SEMA7A: variants seen among roughly 807,000 people sequenced by gnomAD.
The protein encoded by SEMA7A is semaphorin-7A.
In SEMA7A, 21 loss-of-function variants were observed where a neutral mutation model predicts 67.5. The observed-to-expected ratio is 0.31, with a 90% CI of 0.22 to 0.45. The LOEUF is 0.45. SEMA7A is among the 20% of genes least tolerant of loss of function. The pLI is 1.00. For synonymous variants in SEMA7A, 364 were observed against 368.5 expected (o/e 0.99, Z 0.14); for missense variants, 774 against 908.6 (o/e 0.85, Z 1.90).
chr15:74,413,356 G>A (rs549310370), intron 10 of SEMA7A, among the ~76,000 whole-genome samples: 36 of 152,330 alleles, frequency 2.4e-4, no homozygotes, highest in African/African-American at 7.0e-4. Flanking sequence ...GCCCAAATAC[G>A]AATGATGCAG....
At position 74,424,912 on chromosome 15, in the gene SEMA7A, C is replaced by T. The variant is rs544263456; in HGVS notation, c.179-5960G>A. On this transcript the variant is annotated intron_variant, in intron 1 of 13. Transcript: ENST00000261918. ...CTCCTTCAAAGCAGACAAAGGGTAG[C>T]GGTGCAGGGCCTGCCCTTGGGCCCA... 9.2e-5 allele frequency among the ~76,000 whole-genome samples: 14 copies of T among 152,336 alleles called. No individual in the cohort carries two copies. In the East Asian group the frequency reaches 2.5e-3, roughly 27 times the overall value.
At chr15:74,418,084 T>C (rs2060967884) in intron 3 of SEMA7A, 115 bp from the exon 4 acceptor site, 1 of 1,291,146 alleles carries the variant, frequency 7.7e-7, no homozygotes, top group Non-Finnish European at 1.1e-6. Context: ...TTAGCATAGG[T>C]GACAGCCTCC....
chr15:74,430,205 T>C (rs1336778599), intron 1 of SEMA7A, among the ~76,000 whole-genome samples: 2 of 152,130 alleles, frequency 1.3e-5, no homozygotes, highest in Non-Finnish European at 2.9e-5. Flanking sequence ...CAAATGATCC[T>C]CAGCCTTTGG....
chr15:74,418,880 C>G lies in SEMA7A; in HGVS notation c.251G>C (p.Ser84Thr), dbSNP rs1464514694. The change falls in exon 2 of 14, where the codon AGC becomes ACC. Residue 84 changes from serine (S) to threonine (T), a missense_variant. Physicochemically the swap from Ser to Thr is moderately conservative, Grantham distance 58. This residue lies in a region of SEMA7A where 347 missense variants were observed against 353.2 expected (regional missense o/e 0.98). Coordinates refer to ENST00000261918, the MANE Select transcript of SEMA7A (RefSeq NM_003612.5). ...ACGTCCTCCCACCCACACAGAGGAG[C>G]TGCCTGGCTCGTGGAAAAGCACCGT... is the stretch of plus-strand genomic sequence containing the variant. Reference protein sequence around the residue: ...PHTVLFHEPGSSSVWVGGRGK... With the variant: ...PHTVLFHEPGTSSVWVGGRGK... 16 of 1,613,902 alleles carry G rather than the reference C, an allele frequency of 9.9e-6. No homozygotes were observed. Among genetic ancestry groups the G allele is most frequent in the Non-Finnish European group, 1.4e-5 (16 of 1,180,024 alleles).
chr15:74,427,581 T>C (rs549640978), intron 1 of SEMA7A, among the ~76,000 whole-genome samples: 2 of 152,348 alleles, frequency 1.3e-5, no homozygotes, highest in East Asian at 3.9e-4. Context: ...TCTGCCTACC[T>C]TGGCCTCCCA....
intron 1 of SEMA7A, among the ~76,000 whole-genome samples, chr15:74,424,201 T>C (rs2061023982): frequency 6.6e-6 from 1 of 152,176 alleles, no homozygotes. Flanking sequence ...TGGCTGGCTG[T>C]GACGGTGATT....
At chr15:74,413,301 TC>T (rs1297505625) in intron 10 of SEMA7A, among the ~76,000 whole-genome samples, 1 of 152,236 alleles carries the variant, frequency 6.6e-6, no homozygotes, top group Non-Finnish European at 1.5e-5. Context: ...TGTGAGAGCC[TC>T]CCATTCTCTG....
At chr15:74,432,993 C>T (rs2061102788) in intron 1 of SEMA7A, among the ~76,000 whole-genome samples, 1 of 152,182 alleles carries the variant, frequency 6.6e-6, no homozygotes, top group Non-Finnish European at 1.5e-5. Flanking sequence ...CGCCCTAGAT[C>T]CACCGCCTGG....
chr15:74,433,674 G>A (rs2141297296), intron 1 of SEMA7A, 67 bp downstream of exon 1: 2 of 1,358,272 alleles, frequency 1.5e-6, no homozygotes, highest in South Asian at 1.8e-5. Context: ...TCCGGGTGCA[G>A]CACACTCCGC....
intron 1 of SEMA7A, among the ~76,000 whole-genome samples, chr15:74,433,340 T>C (rs2061107830): frequency 6.6e-6 from 1 of 151,048 alleles, no homozygotes; most frequent in Non-Finnish European, 1.5e-5. Flanking sequence ...AGCCCGCAGC[T>C]CAAAAGGAGG....
Position 74,414,550 on chromosome 15 carries a change from T to A in SEMA7A, c.1291A>T (p.Thr431Ser), listed in dbSNP as rs751462985. The change falls in exon 10 of 14, where the codon ACA becomes TCA. Residue 431 changes from threonine (T) to serine (S), a missense_variant. Physicochemically the swap from Thr to Ser is moderately conservative, Grantham distance 58. Transcript: ENST00000261918. The surrounding 1 kb of genome is among the most constrained non-coding windows in gnomAD (Gnocchi z 4.1). The part of the protein sequence containing the change: ...GETFHVLYLT[T>S]DRGTIHKVVE... ...GGGTCCCGGGGTAGCCTCTCACCTG[T>A]AGTTAGGTAAAGCACATGAAAGGTC... 39 of 1,613,932 alleles carry A rather than the reference T, an allele frequency of 2.4e-5. No homozygotes were observed. Among genetic ancestry groups the A allele is most frequent in the Middle Eastern group, 3.3e-4 (2 of 6,084 alleles).
At chr15:74,413,416 C>T (rs972652266) in intron 10 of SEMA7A, among the ~76,000 whole-genome samples, 2 of 152,216 alleles carry the variant, frequency 1.3e-5, no homozygotes, top group African/African-American at 4.8e-5. Flanking sequence ...GACACCTTCT[C>T]TAATCACTCA....
At chr15:74,432,167 G>C (rs191166301) in intron 1 of SEMA7A, among the ~76,000 whole-genome samples, 88 of 152,222 alleles carry the variant, frequency 5.8e-4, no homozygotes, top group Middle Eastern at 3.4e-3. Flanking sequence ...TTGATGGAGG[G>C]AAAGATTCCA....
rs1034745230 is a variant in SEMA7A, at chr15:74,414,229, C to T, written c.1294+318G>A. Among the ~76,000 whole-genome samples, 1 of 152,336 alleles carries T rather than the reference C, an allele frequency of 6.6e-6. No individual in the cohort carries two copies. Among genetic ancestry groups the T allele is most frequent in the Non-Finnish European group, 1.5e-5 (1 of 68,036 alleles). The stretch of plus-strand genomic sequence containing the variant: ...CCCCTCCTCCTCATTTGCCACGTCT[C>T]TTCCTACCATCTTCTTCCCTGAGTC... On this transcript the variant is annotated intron_variant, in intron 10 of 13. Transcript: ENST00000261918. The surrounding 1 kb of genome is among the most constrained non-coding windows in gnomAD (Gnocchi z 4.1).
intron 10 of SEMA7A, among the ~76,000 whole-genome samples, chr15:74,413,824 C>A (rs952541978): frequency 6.6e-6 from 1 of 152,168 alleles, no homozygotes; most frequent in African/African-American, 2.4e-5. Flanking sequence ...TGAGGTTGGG[C>A]GCCTGGGCCT....
chr15:74,429,419 AC>A (rs1381051677), intron 1 of SEMA7A, among the ~76,000 whole-genome samples: 1 of 151,888 alleles, frequency 6.6e-6, no homozygotes, highest in Non-Finnish European at 1.5e-5. Context: ...TATCCATGCC[AC>A]CCCCACCCTG....
intron 1 of SEMA7A, among the ~76,000 whole-genome samples, chr15:74,432,051 G>A (rs1285020820): frequency 7.7e-6 from 1 of 129,146 alleles, no homozygotes; most frequent in African/African-American, 2.8e-5. Flanking sequence ...CCCAGGATGG[G>A]ATGTATGCAT....
intron 1 of SEMA7A, among the ~76,000 whole-genome samples, chr15:74,420,433 G>A (rs2060990763): frequency 6.6e-6 from 1 of 152,196 alleles, no homozygotes; most frequent in Admixed American, 6.5e-5. Context: ...AGCATGGCAG[G>A]CTACAGAGAG....
Position 74,420,719 on chromosome 15 carries a change from G to A in SEMA7A, c.179-1767C>T, listed in dbSNP as rs181326840. Among the ~76,000 whole-genome samples, 6 of 152,234 alleles carry A rather than the reference G, an allele frequency of 3.9e-5. No homozygotes were observed. The East Asian group carries it at 5.8e-4, about 15-fold the overall frequency. On this transcript the variant is annotated intron_variant, in intron 1 of 13. Transcript: ENST00000261918. ...ACACAGTCTTCCTGACTCAGCTCCC[G>A]TAACTCCCCTTCCACCCGCAGCCCA...
Sources: gnomAD v4.1 joint callset for allele counts (sites outside exome capture counted in the v4.1 genomes callset) on GRCh38, gnomAD v4.1.1 for gene constraint, gnomAD v4.1.1 regional missense constraint, Gnocchi (gnomAD v3.1) non-coding constraint, MANE v1.5 for transcripts, NCBI Gene and HGNC (gene_info 2026-07-23, HGNC 2026-07-21) for gene names.